Variants in MTHFSD observed in about 807,000 individuals in gnomAD.
The protein encoded by MTHFSD is methenyltetrahydrofolate synthase domain-containing protein.
A neutral mutation model predicts 31.1 loss-of-function variants in MTHFSD; 37 were observed. The observed-to-expected ratio is 1.19, with a 90% confidence interval of 0.91 to 1.56. The LOEUF (loss-of-function observed/expected upper bound fraction) is 1.56, where lower values mean the gene tolerates loss of function less well. Ranked by LOEUF, MTHFSD falls within the 40% of genes most tolerant of loss-of-function variation. MTHFSD has a pLI of 0.00. For missense variants in MTHFSD, 664 were observed against 510.1 expected, an observed-to-expected ratio of 1.30 and a Z score of -2.91; for synonymous variants, 221 against 206.9, an observed-to-expected ratio of 1.07 and a Z score of -0.59.
chr16:86,548,336 A>G (rs1364303205), intron 4 of MTHFSD, 128 bp downstream of exon 4: 7 of 897,470 alleles, frequency 7.8e-6, no homozygotes, highest in South Asian at 1.5e-5. Context: ...GAATACTTTA[A>G]TATCTCTGTT....
intron 7 of MTHFSD, among the ~76,000 whole-genome samples, chr16:86,538,777 G>A (rs1971070465): frequency 6.6e-6 from 1 of 152,194 alleles, no homozygotes; most frequent in Non-Finnish European, 1.5e-5. Context: ...CTCCAGCCTG[G>A]CAGAGATCCT....
At chr16:86,534,702 G>C (rs1970430959) in intron 7 of MTHFSD, among the ~76,000 whole-genome samples, 1 of 152,184 alleles carries the variant, frequency 6.6e-6, no homozygotes, top group Non-Finnish European at 1.5e-5. Context: ...CAATTGCAAT[G>C]ACAGAAAAAG....
chr16:86,547,326 C>A (rs544220949), intron 4 of MTHFSD: 1 of 985,690 alleles, frequency 1.0e-6, no homozygotes, highest in South Asian at 4.7e-5. Flanking sequence ...TCTCATAACA[C>A]GGTTTATGTA....
At position 86,541,808 on chromosome 16, in the gene MTHFSD, A is replaced by G. The variant is rs975475335; in HGVS notation, c.570T>C (p.Pro190=). 1.2e-6 allele frequency: 2 copies of G among 1,614,168 alleles called. No homozygotes were observed. Among genetic ancestry groups the G allele is most frequent in the Non-Finnish European group, 1.7e-6 (2 of 1,180,016 alleles). ...TGTCGTGCTCCTCAACAAGCTCTTC[A>G]GGGATGTCCACGACCTGGGGGAAGA... ...IVHDCQVVDI[P]EELVEEHDIT... The change falls in exon 7 of 8, where the codon CCT becomes CCC. Residue 190 remains proline (P), a synonymous_variant. Coordinates refer to ENST00000360900, the MANE Select transcript of MTHFSD (RefSeq NM_001159377.2).
Position 86,542,644 on chromosome 16 carries a change from G to A in MTHFSD, c.443-431C>T, listed in dbSNP as rs1427977584. On this transcript the variant is annotated intron_variant, in intron 5 of 7. Transcript: ENST00000360900. The surrounding 1 kb of genome is among the most constrained non-coding windows in gnomAD (Gnocchi z 4.6). ...GAAAATCGCTGCTCTGAAGTCAGGA[G>A]TGTGTGAGGGCATGGCCTTGTTTCT... 5.9e-6 allele frequency: 1 copy of A among 170,928 alleles called. No homozygotes were observed. Among genetic ancestry groups the A allele is most frequent in the Non-Finnish European group, 1.3e-5 (1 of 79,944 alleles). 10.6% of individuals were successfully genotyped at this position (170,928 alleles called of 1,614,324 possible). A position where few individuals can be genotyped will look rare whatever the true frequency, so the allele number is the denominator to read the frequency against.
chr16:86,554,354 G>T (rs77344130), intron 2 of MTHFSD, among the ~76,000 whole-genome samples: 1 of 152,118 alleles, frequency 6.6e-6, no homozygotes. Flanking sequence ...CACTCACTGC[G>T]AGGCTTCATT....
rs1973815255 is a variant in MTHFSD at position 86,554,746 on chromosome 16, C to T, written c.22G>A (p.Val8Ile). ...TGTTCACGTATGTCCTGTTTGGAGA[C>T]ACCTACTGCAACAAAAGATTCCCAC... MEPRAVGVSKQDIREQIW... is the reference protein window; with the variant it reads MEPRAVGISKQDIREQIW... Residue 8 changes from valine (V) to isoleucine (I), a missense_variant, in exon 2 of 8, where the codon GTC (valine) becomes ATC (isoleucine). Coordinates refer to ENST00000360900, the MANE Select transcript of MTHFSD (RefSeq NM_001159377.2). 3 of 1,612,110 alleles carry T rather than the reference C, an allele frequency of 1.9e-6. No homozygotes were observed. The highest frequency in any genetic ancestry group is 2.5e-6 in the Non-Finnish European group (3 of 1,178,454).
At chr16:86,539,580 G>A (rs1310566511) in intron 7 of MTHFSD, among the ~76,000 whole-genome samples, 2 of 152,182 alleles carry the variant, frequency 1.3e-5, no homozygotes, top group African/African-American at 2.4e-5. Flanking sequence ...GCTAAACTCA[G>A]CAATACACTC....
At chr16:86,548,043 G>T in intron 4 of MTHFSD, 3 of 1,289,552 alleles carry the variant, frequency 2.3e-6, no homozygotes, top group Non-Finnish European at 3.0e-6. Flanking sequence ...ACTTAGAACT[G>T]GTGAGGCAAT....
At chr16:86,554,778 A>G (rs1182046172) in intron 1 of MTHFSD, 27 bp from the exon 2 acceptor site, 1 of 1,577,374 alleles carries the variant, frequency 6.3e-7, no homozygotes, top group Non-Finnish European at 8.7e-7. Flanking sequence ...CCACTTAATA[A>G]CATACAAAGG....
chr16:86,543,957 G>A (rs72800614), intron 5 of MTHFSD, among the ~76,000 whole-genome samples: 5,804 of 152,250 alleles, frequency 0.038, 155 homozygotes, highest in South Asian at 0.11. Context: ...TCTAGGTTGC[G>A]TGCTCCTGAT....
intron 7 of MTHFSD, chr16:86,535,376 G>A (rs2143393061): frequency 1.0e-6 from 1 of 985,280 alleles, no homozygotes; most frequent in Middle Eastern, 5.2e-4. Context: ...GGATGACCAC[G>A]CCGATCCCTG....
At chr16:86,552,374 C>G (rs1203942402) in intron 2 of MTHFSD, 10 of 1,213,736 alleles carry the variant, frequency 8.2e-6, no homozygotes, top group Non-Finnish European at 1.1e-5. Context: ...GGCCCAGAAT[C>G]TCACCCAGAC....
intron 3 of MTHFSD, among the ~76,000 whole-genome samples, chr16:86,550,578 G>A (rs1424242203): frequency 6.6e-6 from 1 of 152,200 alleles, no homozygotes; most frequent in Non-Finnish European, 1.5e-5. Flanking sequence ...CTCTGTCTCT[G>A]GTTTCAAGTG....
At chr16:86,535,577 T>G (rs1363754662) in intron 7 of MTHFSD, 4 of 901,702 alleles carry the variant, frequency 4.4e-6, no homozygotes, top group South Asian at 5.1e-5. Context: ...TTTTGCCTTT[T>G]TATAACTAAT....
chr16:86,541,336 G>A (rs1971482051), intron 7 of MTHFSD: 7 of 804,424 alleles, frequency 8.7e-6, no homozygotes, highest in Non-Finnish European at 8.6e-6. Context: ...AGACCAATGA[G>A]ATAACACCAG....
intron 7 of MTHFSD, chr16:86,541,429 CCCT>C (rs1971498247): frequency 1.7e-6 from 1 of 603,080 alleles, no homozygotes; most frequent in African/African-American, 1.9e-5. Flanking sequence ...AAGGCATTCA[CCCT>C]CCCAGCCCAT....
chr16:86,554,571 G>T (rs1301521336), intron 2 of MTHFSD, 74 bp downstream of exon 2: 16 of 1,162,488 alleles, frequency 1.4e-5, no homozygotes, highest in Non-Finnish European at 1.8e-5. Flanking sequence ...CGCAGTAAGA[G>T]AATTTTATTA....
intron 7 of MTHFSD, chr16:86,532,736 C>T (rs60073113): frequency 0.012 from 4,111 of 329,454 alleles, 152 homozygotes; most frequent in African/African-American, 0.078. Context: ...GCGTTTGCCA[C>T]GAGCTGTGGA....
Sources: gnomAD v4.1 joint callset for allele counts (sites outside exome capture counted in the v4.1 genomes callset) on GRCh38, gnomAD v4.1.1 for gene constraint, Gnocchi (gnomAD v3.1) non-coding constraint, MANE v1.5 for transcripts, NCBI Gene and HGNC (gene_info 2026-07-23, HGNC 2026-07-21) for gene names.